The following HS3ST4 variants were observed in gnomAD, a reference collection of about 807,000 sequenced individuals.
HS3ST4 encodes the protein heparan sulfate-glucosamine 3-sulfotransferase 4.
HS3ST4 carries 17 observed loss-of-function variants against 29.2 expected under a neutral mutation model. The ratio of observed to expected loss-of-function variants is 0.58; its 90% CI spans 0.40 to 0.87. HS3ST4 has a LOEUF of 0.87. Ranked by LOEUF, HS3ST4 falls within the 40% of genes least tolerant of loss-of-function variation. The pLI is 0.00. For synonymous variants in HS3ST4, 314 were observed against 285.7 expected, an observed-to-expected ratio of 1.10 and a Z score of -1.00; for missense variants, 627 against 634.5, an observed-to-expected ratio of 0.99 and a Z score of 0.13.
chr16:25,802,002 T>A (rs1966941042), intron 1 of HS3ST4, among the ~76,000 whole-genome samples: 1 of 147,482 alleles, frequency 6.8e-6, no homozygotes, highest in African/African-American at 2.5e-5. Context: ...GCTTAGCTAA[T>A]ATGTATTAGA....
At chr16:25,967,533 G>A (rs1231065878) in intron 1 of HS3ST4, among the ~76,000 whole-genome samples, 1 of 152,164 alleles carries the variant, frequency 6.6e-6, no homozygotes, top group Non-Finnish European at 1.5e-5. Flanking sequence ...GAAAAATTAG[G>A]ATCTGCGAAA....
chr16:25,873,642 ATCCATCCATCCGTCCG>A (rs879692812), intron 1 of HS3ST4, among the ~76,000 whole-genome samples: 2,885 of 66,896 alleles, frequency 0.043, 63 homozygotes, highest in East Asian at 0.096. Context: ...CCATTCATCC[ATCCATCCATCCGTCCG>A]TCCATCCATC....
chr16:25,820,640 G>A (rs778357118), intron 1 of HS3ST4, among the ~76,000 whole-genome samples: 9 of 151,736 alleles, frequency 5.9e-5, no homozygotes, highest in South Asian at 4.2e-4. Context: ...TCTTTATGTT[G>A]CCGAGGCTGG....
At chr16:25,873,443 C>CATTA (rs1369337747) in intron 1 of HS3ST4, among the ~76,000 whole-genome samples, 2 of 146,898 alleles carry the variant, frequency 1.4e-5, no homozygotes, top group Admixed American at 6.8e-5. Context: ...TCCATCCATC[C>CATTA]ATCCACCCAT....
intron 1 of HS3ST4, among the ~76,000 whole-genome samples, chr16:25,970,096 A>T (rs1968881094): frequency 6.6e-6 from 1 of 152,258 alleles, no homozygotes; most frequent in Non-Finnish European, 1.5e-5. Flanking sequence ...CCCTAATTCT[A>T]AATGTGAGCA....
At chr16:25,793,546 A>G (rs1966875060) in intron 1 of HS3ST4, among the ~76,000 whole-genome samples, 1 of 151,924 alleles carries the variant, frequency 6.6e-6, no homozygotes, top group Non-Finnish European at 1.5e-5. Context: ...TTCATCTTTA[A>G]TTATGTTTCT....
At chr16:26,009,708 A>C (rs1204096213) in intron 1 of HS3ST4, among the ~76,000 whole-genome samples, 3 of 152,204 alleles carry the variant, frequency 2.0e-5, no homozygotes, top group Admixed American at 2.0e-4. Flanking sequence ...ACCCAGAAAT[A>C]ACCTATTTCA....
intron 1 of HS3ST4, among the ~76,000 whole-genome samples, chr16:25,770,528 A>G (rs1335839932): frequency 1.3e-5 from 2 of 152,070 alleles, no homozygotes; most frequent in East Asian, 3.9e-4. Context: ...AGCTCAGCTC[A>G]CTCTTTTAAG....
chr16:26,033,109 TG>T (rs1482649821), intron 1 of HS3ST4, among the ~76,000 whole-genome samples: 1 of 152,156 alleles, frequency 6.6e-6, no homozygotes, highest in Non-Finnish European at 1.5e-5. Flanking sequence ...CCGGGTGCAG[TG>T]GCTTACACCT....
chr16:25,852,169 T>C (rs879349152), intron 1 of HS3ST4, among the ~76,000 whole-genome samples: 1 of 152,202 alleles, frequency 6.6e-6, no homozygotes, highest in Non-Finnish European at 1.5e-5. Flanking sequence ...TCATGACAAA[T>C]AGAGTCCTAC....
At chr16:26,071,034 C>T (rs1898597306) in intron 1 of HS3ST4, among the ~76,000 whole-genome samples, 2 of 152,134 alleles carry the variant, frequency 1.3e-5, no homozygotes. Flanking sequence ...ATTTAAATGC[C>T]TCTCAGAATT....
chr16:25,724,797 T>C (rs879421991), intron 1 of HS3ST4, among the ~76,000 whole-genome samples: 1 of 152,190 alleles, frequency 6.6e-6, no homozygotes, highest in Non-Finnish European at 1.5e-5. Flanking sequence ...CGTTAACTCG[T>C]TGTGAATTAA....
chr16:25,847,416 A>G (rs1419314079), intron 1 of HS3ST4, among the ~76,000 whole-genome samples: 1 of 152,194 alleles, frequency 6.6e-6, no homozygotes, highest in Non-Finnish European at 1.5e-5. Flanking sequence ...TTGTTGGGTC[A>G]AGAATGATAA....
intron 1 of HS3ST4, among the ~76,000 whole-genome samples, chr16:25,773,184 G>A (rs577015655): frequency 1.1e-3 from 162 of 152,270 alleles, no homozygotes; most frequent in African/African-American, 3.6e-3. Context: ...CACTTCCCCA[G>A]TTTTGTTCCC....
chr16:25,788,693 A>G (rs1269717551), intron 1 of HS3ST4, among the ~76,000 whole-genome samples: 5 of 150,626 alleles, frequency 3.3e-5, no homozygotes, highest in Non-Finnish European at 7.4e-5. Context: ...GGCATGCACC[A>G]CCACACTGGG....
intron 1 of HS3ST4, among the ~76,000 whole-genome samples, chr16:25,953,757 A>G (rs1968702826): frequency 6.6e-6 from 1 of 152,208 alleles, no homozygotes; most frequent in African/African-American, 2.4e-5. Context: ...TGAGGCAGGA[A>G]GGGAAGGATG....
chr16:25,841,097 C>T (rs566073039), intron 1 of HS3ST4, among the ~76,000 whole-genome samples: 25 of 151,922 alleles, frequency 1.6e-4, no homozygotes, highest in Non-Finnish European at 2.8e-4. Flanking sequence ...CTCCGCCCCC[C>T]GGGGTTCATG....
intron 1 of HS3ST4, among the ~76,000 whole-genome samples, chr16:26,020,475 G>A (rs777828517): frequency 2.6e-5 from 4 of 152,188 alleles, no homozygotes; most frequent in Admixed American, 6.5e-5. Flanking sequence ...AAAGAGCAGC[G>A]CTGTGACAGC....
chr16:26,112,489 C>T (rs1899145761), intron 1 of HS3ST4, among the ~76,000 whole-genome samples: 2 of 139,174 alleles, frequency 1.4e-5, no homozygotes, highest in African/African-American at 2.7e-5. Flanking sequence ...AGGTCTTAAA[C>T]AAGAAACAAA....
Sources: allele counts gnomAD v4.1 joint callset (sites outside exome capture counted in the v4.1 genomes callset), GRCh38; gene constraint gnomAD v4.1.1; transcripts MANE v1.5; gene names NCBI Gene and HGNC (gene_info 2026-07-23, HGNC 2026-07-21).